The following TM9SF2 variants were observed in gnomAD, a reference collection of about 807,000 sequenced individuals.
The protein encoded by TM9SF2 is transmembrane 9 superfamily member 2.
Under a neutral mutation model 84.9 loss-of-function variants are expected in TM9SF2, and 13 were observed. That is an observed-to-expected ratio of 0.15 (90% CI 0.10 to 0.24). TM9SF2 has a LOEUF of 0.24. Among genes scored for constraint, TM9SF2 ranks in the 10% least tolerant of loss-of-function variants. The pLI is 1.00. For missense variants in TM9SF2, 562 were observed against 818.5 expected, an observed-to-expected ratio of 0.69 and a Z score of 3.82; for synonymous variants, 273 against 285.8, an observed-to-expected ratio of 0.96 and a Z score of 0.45.
chr13:99,542,728 A>C (rs2046266220), intron 9 of TM9SF2, among the ~76,000 whole-genome samples: 1 of 152,164 alleles, frequency 6.6e-6, no homozygotes, highest in Non-Finnish European at 1.5e-5. Flanking sequence ...ATTAAATATT[A>C]AAATGATTTT....
intron 6 of TM9SF2, among the ~76,000 whole-genome samples, chr13:99,538,256 C>T (rs1296018690): frequency 6.6e-6 from 1 of 152,170 alleles, no homozygotes; most frequent in African/African-American, 2.4e-5. Context: ...TGTGATTTCT[C>T]AAGCCCCTAT....
intron 1 of TM9SF2, among the ~76,000 whole-genome samples, chr13:99,511,252 T>G (rs936044857): frequency 6.6e-6 from 1 of 152,014 alleles, no homozygotes; most frequent in African/African-American, 2.4e-5. Flanking sequence ...GAATCAACAG[T>G]TGTTTACATT....
chr13:99,529,538 C>A lies in TM9SF2; in HGVS notation c.405C>A (p.Asp135Glu). ...CATACCATACAGAGAAAGCTGAAGA[C>A]AAACAAAAGTTAGAATTCTTGAAAA... The part of the protein sequence containing the change: ...TKTYHTEKAE[D>E]KQKLEFLKKS... The change falls in exon 4 of 17, where the codon GAC becomes GAA. Residue 135 changes from aspartate (D) to glutamate (E), a missense_variant. This residue lies in a region of TM9SF2 where 267 missense variants were observed against 316.7 expected (regional missense o/e 0.84). Coordinates refer to ENST00000376387, the MANE Select transcript of TM9SF2 (RefSeq NM_004800.3). 1 of 1,591,270 alleles carries A rather than the reference C, an allele frequency of 6.3e-7. No homozygotes were observed.
chr13:99,553,671 C>A (rs1343990555), intron 13 of TM9SF2, among the ~76,000 whole-genome samples: 1 of 152,144 alleles, frequency 6.6e-6, no homozygotes, highest in Non-Finnish European at 1.5e-5. Flanking sequence ...AACTTTCTTA[C>A]AAGGAAATGA....
At chr13:99,507,055 G>GT (rs2046091693) in intron 1 of TM9SF2, among the ~76,000 whole-genome samples, 1 of 152,082 alleles carries the variant, frequency 6.6e-6, no homozygotes, top group Non-Finnish European at 1.5e-5. Context: ...AATAATAATG[G>GT]TAAAGACTAC....
intron 4 of TM9SF2, 29 bp downstream of exon 4, chr13:99,529,623 G>T (rs763766834): frequency 1.1e-5 from 16 of 1,490,280 alleles, no homozygotes; most frequent in African/African-American, 1.4e-5. Context: ...CGATTTTGGG[G>T]TTTATCCTTT....
At chr13:99,530,436 A>T (rs1191248882) in intron 4 of TM9SF2, among the ~76,000 whole-genome samples, 4 of 152,280 alleles carry the variant, frequency 2.6e-5, no homozygotes, top group Non-Finnish European at 5.9e-5. Flanking sequence ...AAATAAAAAA[A>T]AAAGAAAGAA....
intron 1 of TM9SF2, among the ~76,000 whole-genome samples, chr13:99,503,317 A>G (rs954294207): frequency 5.9e-5 from 9 of 152,222 alleles, no homozygotes; most frequent in African/African-American, 1.9e-4. Flanking sequence ...TGAACAGATT[A>G]TTGAAATCTG....
intron 3 of TM9SF2, among the ~76,000 whole-genome samples, chr13:99,528,729 A>G (rs2046194956): frequency 6.6e-6 from 1 of 152,346 alleles, no homozygotes; most frequent in Middle Eastern, 3.4e-3. Flanking sequence ...ATGCAGACAG[A>G]ATGAAAACAT....
chr13:99,528,581 G>A (rs1275012465), intron 3 of TM9SF2, among the ~76,000 whole-genome samples: 3 of 152,104 alleles, frequency 2.0e-5, no homozygotes, highest in Non-Finnish European at 4.4e-5. Flanking sequence ...TTTAAGTTTG[G>A]TGTCTGTGCT....
chr13:99,546,854 G>A, intron 10 of TM9SF2, 131 bp from the exon 11 acceptor site: 2 of 1,262,062 alleles, frequency 1.6e-6, no homozygotes, highest in Non-Finnish European at 2.2e-6. Flanking sequence ...GAGCTGCATG[G>A]TAGGAGAGCA....
chr13:99,529,445 T>C, intron 3 of TM9SF2, 22 bp from the exon 4 acceptor site: 2 of 1,485,614 alleles, frequency 1.3e-6, no homozygotes, highest in South Asian at 1.4e-5. Flanking sequence ...CTGAATTTGC[T>C]TTCCACTTCC....
chr13:99,532,012 C>T (rs2046212234), intron 4 of TM9SF2, among the ~76,000 whole-genome samples: 1 of 151,770 alleles, frequency 6.6e-6, no homozygotes, highest in African/African-American at 2.4e-5. Flanking sequence ...AGTTTGTTGA[C>T]TAACTGAAAG....
At chr13:99,510,190 C>T (rs191385352) in intron 1 of TM9SF2, among the ~76,000 whole-genome samples, 13 of 152,320 alleles carry the variant, frequency 8.5e-5, no homozygotes, top group Admixed American at 2.0e-4. Context: ...AGCAGCCTGA[C>T]TTTACTGTCC....
At chr13:99,527,032 A>T (rs536002240) in intron 3 of TM9SF2, among the ~76,000 whole-genome samples, 1 of 152,278 alleles carries the variant, frequency 6.6e-6, no homozygotes, top group East Asian at 1.9e-4. Context: ...GCTCCAGAAA[A>T]CATTCTGAGA....
Position 99,555,660 on chromosome 13 carries a change from A to G in TM9SF2, c.1752+13A>G. The G allele has an allele frequency of 6.4e-7, 1 of 1,563,040 alleles. No homozygotes were observed. Among genetic ancestry groups the G allele is most frequent in the Non-Finnish European group, 8.8e-7 (1 of 1,138,982 alleles). On this transcript the variant is annotated intron_variant, in intron 15 of 16. Coordinates refer to ENST00000376387, the MANE Select transcript of TM9SF2 (RefSeq NM_004800.3). ...CCTATGTGCAGAGGTATGTATTAGC[A>G]GTATTCACTTATGTTAATTTGTAGA... is the stretch of plus-strand genomic sequence containing the variant.
In TM9SF2 at chr13:99,543,911, T is replaced by G. The variant is rs2046271874; in HGVS notation, c.1066T>G (p.Phe356Val). 1 of 1,614,080 alleles carries G rather than the reference T, an allele frequency of 6.2e-7. No homozygotes were observed. ...CTGGAAACTTGTTCATGGTGATATA[T>G]TCCGTCCTCCAAGAAAAGGGATGCT... ...FGWKLVHGDI[F>V]RPPRKGMLLS... The change falls in exon 10 of 17, where the codon TTC becomes GTC. Residue 356 changes from phenylalanine (F) to valine (V), a missense_variant. Phe to Val is a conservative substitution (Grantham distance 50). Coordinates refer to ENST00000376387, the MANE Select transcript of TM9SF2 (RefSeq NM_004800.3).
chr13:99,508,443 A>ACACACACACCCC (rs1311954976), intron 1 of TM9SF2, among the ~76,000 whole-genome samples: 4 of 147,560 alleles, frequency 2.7e-5, no homozygotes, highest in East Asian at 4.0e-4. Context: ...ACACACACAC[A>ACACACACACCCC]CCCCAGAGAT....
intron 3 of TM9SF2, among the ~76,000 whole-genome samples, chr13:99,524,011 A>G (rs898962702): frequency 6.6e-6 from 1 of 152,120 alleles, no homozygotes; most frequent in Non-Finnish European, 1.5e-5. Flanking sequence ...AGAGGCCCCA[A>G]GGTGTGTAAC....
Sources: gnomAD v4.1 joint callset for allele counts (sites outside exome capture counted in the v4.1 genomes callset) on GRCh38, gnomAD v4.1.1 for gene constraint, gnomAD v4.1.1 regional missense constraint, MANE v1.5 for transcripts, NCBI Gene and HGNC (gene_info 2026-07-23, HGNC 2026-07-21) for gene names.